Variants in LMBR1 observed in about 807,000 individuals in gnomAD.
LMBR1 encodes the protein limb development membrane protein 1.
Under a neutral mutation model 73.9 loss-of-function variants are expected in LMBR1, and 52 were observed. The ratio of observed to expected loss-of-function variants is 0.70; its 90% confidence interval spans 0.56 to 0.89. The LOEUF (loss-of-function observed/expected upper bound fraction) is 0.89. Ranked by LOEUF, LMBR1 falls within the 40% of genes least tolerant of loss-of-function variation. The pLI, the probability that LMBR1 is intolerant of heterozygous loss-of-function variation, is 0.00. For synonymous variants in LMBR1, 215 were observed against 209.4 expected, an observed-to-expected ratio of 1.03 and a Z score of -0.23; for missense variants, 539 against 579.8, an observed-to-expected ratio of 0.93 and a Z score of 0.72.
At chr7:156,750,312 G>A (rs139638785) in intron 9 of LMBR1, among the ~76,000 whole-genome samples, 2 of 152,122 alleles carry the variant, frequency 1.3e-5, no homozygotes, top group East Asian at 1.9e-4. Context: ...GTGTGTGTGT[G>A]TGTATCCTCT....
intron 1 of LMBR1, among the ~76,000 whole-genome samples, chr7:156,873,356 G>A (rs184499174): frequency 2.0e-5 from 3 of 152,230 alleles, no homozygotes; most frequent in Non-Finnish European, 2.9e-5. Flanking sequence ...GCAGATCTTC[G>A]CGGTGAGTGT....
rs1195684625 is a variant in LMBR1, at chr7:156,892,863, G to A, written c.66+65C>T. The A allele has an allele frequency of 4.7e-6, 6 of 1,282,350 alleles. No homozygotes were observed. In the African/African-American group the frequency reaches 6.2e-5, roughly 13 times the overall value. The allele number at this position is 1,282,350 out of a possible 1,614,324, so 79.4% of individuals were successfully genotyped here. On this transcript the variant is annotated intron_variant, in intron 1 of 16. Coordinates refer to ENST00000353442, the MANE Select transcript of LMBR1 (RefSeq NM_022458.4). Reference sequence around the variant, plus strand: ...GAGGGGTCCGGGGACCGGGGGCCCGGGGGCGGGGACGGAGGGCCCGGGCGG... The same window carrying A: ...GAGGGGTCCGGGGACCGGGGGCCCGAGGGCGGGGACGGAGGGCCCGGGCGG...
chr7:156,813,960 C>A (rs371318923), intron 4 of LMBR1, among the ~76,000 whole-genome samples: 75 of 152,110 alleles, frequency 4.9e-4, no homozygotes, highest in African/African-American at 1.7e-3. Context: ...ATATTTATTT[C>A]AATACTTAAG....
chr7:156,736,512 T>A (rs1378634129), intron 9 of LMBR1: 1 of 456,462 alleles, frequency 2.2e-6, no homozygotes, highest in South Asian at 1.5e-5. Flanking sequence ...CTATCATGTC[T>A]CCTCCCTCCT....
At chr7:156,705,509 T>C (rs979228761) in intron 15 of LMBR1, among the ~76,000 whole-genome samples, 4 of 152,088 alleles carry the variant, frequency 2.6e-5, no homozygotes, top group Admixed American at 6.6e-5. Flanking sequence ...CAGTGAGCTG[T>C]GATCATGCCA....
intron 5 of LMBR1, among the ~76,000 whole-genome samples, chr7:156,764,187 C>T (rs867918906): frequency 6.6e-6 from 1 of 152,156 alleles, no homozygotes; most frequent in African/African-American, 2.4e-5. Context: ...CGCCACAATG[C>T]TCCGAGCTGC....
chr7:156,888,303 G>C (rs375747402), intron 1 of LMBR1, among the ~76,000 whole-genome samples: 1 of 151,742 alleles, frequency 6.6e-6, no homozygotes, highest in Non-Finnish European at 1.5e-5. Flanking sequence ...CCAGCTACTC[G>C]GGAGGCTGAG....
chr7:156,785,539 G>A (rs75815640), intron 5 of LMBR1, among the ~76,000 whole-genome samples: 2,283 of 152,200 alleles, frequency 0.015, 63 homozygotes, highest in African/African-American at 0.051. Flanking sequence ...ACCTTGAGAA[G>A]GAGTTTCTGA....
At chr7:156,688,743 T>C (rs1257680614) in intron 15 of LMBR1, among the ~76,000 whole-genome samples, 1 of 152,182 alleles carries the variant, frequency 6.6e-6, no homozygotes, top group Non-Finnish European at 1.5e-5. Context: ...TGGCCTTCTA[T>C]ACTAATTACG....
intron 4 of LMBR1, among the ~76,000 whole-genome samples, chr7:156,814,211 T>C (rs1470837572): frequency 6.6e-6 from 1 of 152,218 alleles, no homozygotes; most frequent in Non-Finnish European, 1.5e-5. Context: ...TCTTTCTACA[T>C]ATGACTGAAT....
intron 4 of LMBR1, among the ~76,000 whole-genome samples, chr7:156,809,691 T>G (rs1462701977): frequency 2.0e-5 from 3 of 152,238 alleles, no homozygotes; most frequent in Non-Finnish European, 2.9e-5. Flanking sequence ...GACTACACTG[T>G]TGCTACACTG....
intron 4 of LMBR1, among the ~76,000 whole-genome samples, chr7:156,824,545 T>G (rs529393055): frequency 6.6e-6 from 1 of 152,256 alleles, no homozygotes; most frequent in East Asian, 1.9e-4. Flanking sequence ...ACTCAAGTAA[T>G]CACGTGTCAC....
At chr7:156,859,221 C>A (rs1382836395) in intron 1 of LMBR1, among the ~76,000 whole-genome samples, 3 of 147,828 alleles carry the variant, frequency 2.0e-5, no homozygotes. Context: ...GCAGTCCAGC[C>A]TGGGCAACAA....
At chr7:156,768,028 C>A (rs1036191801) in intron 5 of LMBR1, among the ~76,000 whole-genome samples, 1 of 152,206 alleles carries the variant, frequency 6.6e-6, no homozygotes, top group South Asian at 2.1e-4. Context: ...TGTTCTATTT[C>A]TTTAGATTAA....
chr7:156,710,316 TATC>T (rs1391155917), intron 15 of LMBR1, among the ~76,000 whole-genome samples: 1 of 152,090 alleles, frequency 6.6e-6, no homozygotes. Context: ...GAGAAATAGA[TATC>T]ATAAAGAAAA....
intron 5 of LMBR1, among the ~76,000 whole-genome samples, chr7:156,778,627 C>T (rs1186576389): frequency 6.6e-6 from 1 of 152,186 alleles, no homozygotes; most frequent in African/African-American, 2.4e-5. Flanking sequence ...TCAGAAATTT[C>T]ATTTGTTAAT....
chr7:156,773,202 A>G (rs1825527683), intron 5 of LMBR1, among the ~76,000 whole-genome samples: 1 of 152,386 alleles, frequency 6.6e-6, no homozygotes, highest in African/African-American at 2.4e-5. Context: ...CAGAGATGAC[A>G]CAAACAAATG....
intron 4 of LMBR1, among the ~76,000 whole-genome samples, chr7:156,821,019 C>T (rs959023305): frequency 6.6e-5 from 10 of 152,190 alleles, no homozygotes; most frequent in Middle Eastern, 3.2e-3. Context: ...AGAAACAGCT[C>T]TTGACCCACT....
chr7:156,804,930 T>C (rs549017860), intron 4 of LMBR1, among the ~76,000 whole-genome samples: 1 of 152,306 alleles, frequency 6.6e-6, no homozygotes, highest in Admixed American at 6.5e-5. Flanking sequence ...TACAAAGACT[T>C]TCTCCTACAT....
Sources: allele counts gnomAD v4.1 joint callset (sites outside exome capture counted in the v4.1 genomes callset), GRCh38; gene constraint gnomAD v4.1.1; transcripts MANE v1.5; gene names NCBI Gene and HGNC (gene_info 2026-07-23, HGNC 2026-07-21).